Variants in METTL15 observed in about 807,000 individuals in gnomAD.
METTL15 encodes the protein methyltransferase 15, mitochondrial 12S rRNA N4-cytidine.
Under a neutral mutation model 38.3 loss-of-function variants are expected in METTL15, and 34 were observed. That is an observed-to-expected ratio of 0.89 (90% CI 0.68 to 1.18). The LOEUF (loss-of-function observed/expected upper bound fraction) is 1.18, where lower values mean the gene tolerates loss of function less well. Among genes scored for constraint, METTL15 ranks in the 50% most tolerant of loss-of-function variants. METTL15 has a pLI of 0.00. For missense variants in METTL15, 438 were observed against 498.4 expected, an observed-to-expected ratio of 0.88 and a Z score of 1.15; for synonymous variants, 162 against 170.9, an observed-to-expected ratio of 0.95 and a Z score of 0.41.
chr11:28,384,672 T>C (rs1195331690), intron 5 of METTL15, among the ~76,000 whole-genome samples: 2 of 152,184 alleles, frequency 1.3e-5, no homozygotes, highest in Non-Finnish European at 2.9e-5. Flanking sequence ...ATGGGATTGC[T>C]GGATCGACTG....
At chr11:28,173,891 T>C (rs910276286) in intron 3 of METTL15, among the ~76,000 whole-genome samples, 1 of 152,224 alleles carries the variant, frequency 6.6e-6, no homozygotes, top group African/African-American at 2.4e-5. Context: ...ACTTAAGTTA[T>C]GGGTTTCGGG....
intron 3 of METTL15, among the ~76,000 whole-genome samples, chr11:28,174,316 C>T (rs1850970941): frequency 6.6e-6 from 1 of 151,820 alleles, no homozygotes; most frequent in African/African-American, 2.4e-5. Context: ...TGAGATTTTC[C>T]CACTACATTT....
At chr11:28,245,405 G>C (rs955324685) in intron 4 of METTL15, among the ~76,000 whole-genome samples, 3 of 152,072 alleles carry the variant, frequency 2.0e-5, no homozygotes, top group African/African-American at 7.2e-5. Flanking sequence ...CTATTTCAAG[G>C]TGGTTAGTGG....
At position 28,521,652 on chromosome 11, in the gene METTL15, A is replaced by G. The variant is rs11030361; in HGVS notation, c.*425-4826A>G. ...CTGACCTTGGGCTCCCTCATGCTCC[A>G]CTTCTGGTTGGGTTTGCTTAAGGCA... On this transcript the variant is annotated intron_variant and NMD_transcript_variant, in intron 6 of 7. Transcript: ENST00000532947. Among the ~76,000 whole-genome samples, 4,066 of 152,024 alleles carry G rather than the reference A, an allele frequency of 0.027. 312 individuals are homozygous for G. In the East Asian group the frequency reaches 0.31, roughly 12 times the overall value.
intron 4 of METTL15, among the ~76,000 whole-genome samples, chr11:28,250,075 T>C (rs1211650602): frequency 6.6e-6 from 1 of 152,126 alleles, no homozygotes. Context: ...TATGGCTGCA[T>C]AGTATTCCTT....
At chr11:28,162,175 A>T (rs371541753) in intron 3 of METTL15, among the ~76,000 whole-genome samples, 2 of 152,130 alleles carry the variant, frequency 1.3e-5, no homozygotes, top group African/African-American at 4.8e-5. Context: ...CTAGTAGTAG[A>T]GTTTGGATAG....
intron 6 of METTL15, among the ~76,000 whole-genome samples, chr11:28,304,130 A>G (rs528816721): frequency 1.5e-4 from 23 of 152,308 alleles, no homozygotes; most frequent in Middle Eastern, 3.4e-3. Flanking sequence ...GGAATGCAGT[A>G]GTTGGAACTC....
intron 6 of METTL15, among the ~76,000 whole-genome samples, chr11:28,443,834 T>C (rs1335996427): frequency 1.3e-5 from 2 of 152,216 alleles, no homozygotes; most frequent in African/African-American, 4.8e-5. Flanking sequence ...TTCATCATTG[T>C]TCCCCTGGAC....
chr11:28,401,364 G>T (rs572390807), intron 5 of METTL15, among the ~76,000 whole-genome samples: 1 of 151,796 alleles, frequency 6.6e-6, no homozygotes, highest in Non-Finnish European at 1.5e-5. Flanking sequence ...CTGTTTTTTA[G>T]TAATTATTAC....
intron 3 of METTL15, among the ~76,000 whole-genome samples, chr11:28,344,587 T>A (rs1849981518): frequency 6.6e-6 from 1 of 152,222 alleles, no homozygotes; most frequent in Admixed American, 6.5e-5. Context: ...AAGGCTGAGA[T>A]TTCTGCCTTT....
chr11:28,306,287 T>C (rs1171249788), intron 6 of METTL15, among the ~76,000 whole-genome samples: 1 of 152,118 alleles, frequency 6.6e-6, no homozygotes, highest in East Asian at 1.9e-4. Context: ...ATGTTTGATA[T>C]AGTAGCAGTT....
chr11:28,118,943 A>C (rs1024397398), intron 3 of METTL15, among the ~76,000 whole-genome samples: 1 of 152,232 alleles, frequency 6.6e-6, no homozygotes. Flanking sequence ...AGAAAGAGTC[A>C]AAGTTGTTAG....
At chr11:28,264,642 A>G (rs1855340277) in intron 4 of METTL15, among the ~76,000 whole-genome samples, 1 of 152,112 alleles carries the variant, frequency 6.6e-6, no homozygotes, top group Admixed American at 6.6e-5. Flanking sequence ...ATAAACATGT[A>G]AAACATTATA....
chr11:28,273,242 C>T (rs1855715606), intron 4 of METTL15, among the ~76,000 whole-genome samples: 1 of 152,056 alleles, frequency 6.6e-6, no homozygotes, highest in Admixed American at 6.6e-5. Flanking sequence ...TTAAAGATCT[C>T]AAAAGCATCC....
At chr11:28,282,662 G>T (rs938443711) in intron 4 of METTL15, among the ~76,000 whole-genome samples, 2 of 152,076 alleles carry the variant, frequency 1.3e-5, no homozygotes, top group African/African-American at 4.8e-5. Context: ...TGGTGCACTG[G>T]GATTGCCCTA....
chr11:28,455,657 T>C (rs929977106), intron 6 of METTL15, among the ~76,000 whole-genome samples: 62 of 152,202 alleles, frequency 4.1e-4, no homozygotes, highest in African/African-American at 1.5e-3. Flanking sequence ...CCCCTCTCCC[T>C]GTGAAACTGT....
intron 6 of METTL15, among the ~76,000 whole-genome samples, chr11:28,325,746 G>A (rs115557873): frequency 4.5e-4 from 69 of 152,294 alleles, no homozygotes; most frequent in African/African-American, 1.6e-3. Flanking sequence ...AGCACCACAG[G>A]TGACTGTGAT....
At chr11:28,513,703 T>C (rs567829930) in intron 6 of METTL15, among the ~76,000 whole-genome samples, 11 of 152,332 alleles carry the variant, frequency 7.2e-5, no homozygotes, top group African/African-American at 2.6e-4. Flanking sequence ...TAACTAAAAG[T>C]AACCTTTATG....
At chr11:28,177,755 T>C (rs915265317) in intron 3 of METTL15, among the ~76,000 whole-genome samples, 2 of 151,970 alleles carry the variant, frequency 1.3e-5, no homozygotes, top group African/African-American at 4.8e-5. Context: ...TATTGGAAAT[T>C]AGATCTGCTA....
Sources: allele counts gnomAD v4.1 joint callset (sites outside exome capture counted in the v4.1 genomes callset), GRCh38; gene constraint gnomAD v4.1.1; transcripts MANE v1.5; gene names NCBI Gene and HGNC (gene_info 2026-07-23, HGNC 2026-07-21).